Variants in PRRC2C observed in about 807,000 individuals in gnomAD.
PRRC2C encodes the protein proline rich coiled-coil 2C.
Under a neutral mutation model 317.2 loss-of-function variants are expected in PRRC2C, and 72 were observed. The ratio of observed to expected loss-of-function variants is 0.23; its 90% confidence interval spans 0.19 to 0.28. The LOEUF (loss-of-function observed/expected upper bound fraction) is 0.28. PRRC2C is among the 10% of genes least tolerant of loss of function. The pLI, the probability that PRRC2C is intolerant of heterozygous loss-of-function variation, is 1.00. For synonymous variants in PRRC2C, 1,296 were observed against 1,205.9 expected (o/e 1.07, Z -1.55); for missense variants, 3,074 against 3,459.7 (o/e 0.89, Z 2.80).
chr1:171,521,788 C>A (rs1427086476), intron 6 of PRRC2C, among the ~76,000 whole-genome samples: 1 of 152,142 alleles, frequency 6.6e-6, no homozygotes, highest in African/African-American at 2.4e-5. Context: ...GTGTACATAT[C>A]CTGTTGATAC....
At chr1:171,514,731 G>A in intron 4 of PRRC2C, 86 bp downstream of exon 4, 2 of 1,170,562 alleles carry the variant, frequency 1.7e-6, no homozygotes, top group South Asian at 2.8e-5. Flanking sequence ...CTGTGTTTTG[G>A]TAGAGCCATA....
At chr1:171,494,803 A>T (rs1667823855) in intron 1 of PRRC2C, among the ~76,000 whole-genome samples, 1 of 151,468 alleles carries the variant, frequency 6.6e-6, no homozygotes, top group South Asian at 2.1e-4. Context: ...AAAGAAACAG[A>T]TTTCTCTTTG....
At chr1:171,499,471 A>G (rs1668695484) in intron 1 of PRRC2C, among the ~76,000 whole-genome samples, 1 of 152,194 alleles carries the variant, frequency 6.6e-6, no homozygotes, top group East Asian at 1.9e-4. Flanking sequence ...TGAGATGGCC[A>G]AAGGAGAAAG....
Position 171,559,511 on chromosome 1 carries a change from T to TG in PRRC2C, c.6031+1368_6031+1369insG, listed in dbSNP as rs1249290243. On this transcript the variant is annotated intron_variant, in intron 19 of 34. Transcript: ENST00000647382. The stretch of plus-strand genomic sequence containing the variant: ...TTACAAAATGGCATACCAAGTTTGT[T>TG]TTTTTTTTTTTTTTTTTTTTTTTTT... Among the ~76,000 whole-genome samples the TG allele has an allele frequency of 6.0e-3, 37 of 6,204 alleles. 1 individual carries two copies. The highest frequency in any genetic ancestry group is 0.013 in the Non-Finnish European group (32 of 2,446). The allele number at this position is 6,204 out of a possible 152,430, so 4.1% of individuals were successfully genotyped here.
rs1343336905 is a variant in PRRC2C at position 171,542,097 on chromosome 1, G to A, written c.4631G>A (p.Ser1544Asn). The A allele has an allele frequency of 1.9e-6, 3 of 1,613,934 alleles. No homozygotes were observed. In the Admixed American group the frequency reaches 5.0e-5, roughly 27 times the overall value. ...LPPKREIAKR[S>N]FSSQRPVDRQ... ...CCAAAGAGGGAAATTGCAAAGAGAA[G>A]TTTTTCTAGTCAGAGACCAGTAGAT... The change falls in exon 16 of 35, where the codon AGT becomes AAT. Residue 1544 changes from serine (S) to asparagine (N), a missense_variant. Ser to Asn is a conservative substitution (Grantham distance 46). Transcript: ENST00000647382.
At chr1:171,588,175 C>T (rs1353568007) in intron 32 of PRRC2C, among the ~76,000 whole-genome samples, 4 of 152,100 alleles carry the variant, frequency 2.6e-5, no homozygotes, top group South Asian at 4.1e-4. Context: ...GGTCTCGAAC[C>T]AGCCAATCTA....
intron 17 of PRRC2C, among the ~76,000 whole-genome samples, chr1:171,546,696 C>T (rs948217771): frequency 6.6e-6 from 1 of 152,126 alleles, no homozygotes; most frequent in Admixed American, 6.5e-5. Flanking sequence ...GCATCCCAGA[C>T]GTCAAGCGAT....
At chr1:171,525,423 A>G (rs1304866312) in intron 10 of PRRC2C, among the ~76,000 whole-genome samples, 2 of 152,186 alleles carry the variant, frequency 1.3e-5, no homozygotes, top group African/African-American at 4.8e-5. Flanking sequence ...TGTGTGTGCA[A>G]CAGATATTTG....
chr1:171,575,148 T>C lies in PRRC2C; in HGVS notation c.6955+20T>C. 6.3e-7 allele frequency: 1 copy of C among 1,586,498 alleles called. No homozygotes were observed. Among genetic ancestry groups the C allele is most frequent in the South Asian group, 1.1e-5 (1 of 88,890 alleles). ...TATCAGGTAGAACTTTTTCGTTCTG[T>C]TTCTTTAAATATCTTACATTATTTA... On this transcript the variant is annotated intron_variant, in intron 25 of 34. Coordinates refer to ENST00000647382, the MANE Select transcript of PRRC2C (RefSeq NM_001387844.1).
chr1:171,486,658 G>A lies in PRRC2C; in HGVS notation c.-58+923G>A, dbSNP rs146772912. On this transcript the variant is annotated intron_variant, in intron 1 of 34. Transcript: ENST00000647382. ...CCGCATTGGCTGGTTTTCAGCCTGG[G>A]TTCATAGATTCATACCTCGTTAGAG... Among the ~76,000 whole-genome samples the A allele has an allele frequency of 6.4e-3, 968 of 152,244 alleles. 10 individuals are homozygous for A. Among genetic ancestry groups the A allele is most frequent in the African/African-American group, 0.018 (752 of 41,546 alleles).
At chr1:171,589,713 A>G in intron 34 of PRRC2C, 108 bp downstream of exon 34, 2 of 730,820 alleles carry the variant, frequency 2.7e-6, no homozygotes, top group African/African-American at 1.9e-5. Context: ...GTCTTAGCAG[A>G]CTTAACCAAG....
rs1375616814 is a variant in PRRC2C at position 171,517,799 on chromosome 1, T to A, written c.735T>A (p.Ala245=). 3 of 1,612,820 alleles carry A rather than the reference T, an allele frequency of 1.9e-6. No homozygotes were observed. The African/African-American group carries it at 4.0e-5, about 22-fold the overall frequency. ...QQAALASQYR[A]MMPPYMFQQY... is the part of the protein sequence containing the mutation. Reference sequence around the variant, plus strand: ...CTGCTCTCGCTTCCCAGTATAGAGCTATGATGCCTCCTTATGTGAGTATTG... The same window carrying A: ...CTGCTCTCGCTTCCCAGTATAGAGCAATGATGCCTCCTTATGTGAGTATTG... Residue 245 remains alanine (A), a synonymous_variant, in exon 6 of 35, where the codon GCT becomes GCA. Transcript: ENST00000647382.
In PRRC2C at chr1:171,545,595, C is replaced by G. The variant is rs933292669; in HGVS notation, c.4880C>G (p.Thr1627Ser). Residue 1627 changes from threonine to serine, a missense_variant, in exon 17 of 35, where the codon ACT becomes AGT. Around this residue, in one of 11 missense-constraint regions of PRRC2C, gnomAD observed 178 missense variants for 163.0 expected, o/e 1.09. Coordinates refer to ENST00000647382, the MANE Select transcript of PRRC2C (RefSeq NM_001387844.1). ...GGACAAAAGAACTCCAAAGATTCTA[C>G]TGGGAAAAAAAGAGAAGACCCCAAA... ...GTGQKNSKDS[T>S]GKKREDPKPG... 1.1e-5 allele frequency: 18 copies of G among 1,611,384 alleles called. No homozygotes were observed. The highest frequency in any genetic ancestry group is 1.5e-5 in the Non-Finnish European group (18 of 1,178,814).
chr1:171,503,817 T>C (rs758796286), intron 1 of PRRC2C, among the ~76,000 whole-genome samples: 2 of 152,142 alleles, frequency 1.3e-5, no homozygotes, highest in Non-Finnish European at 2.9e-5. Flanking sequence ...GGCCTCACAA[T>C]CATGGCAGAA....
At position 171,566,574 on chromosome 1, in the gene PRRC2C, A is replaced by C. The variant is rs202231101; in HGVS notation, c.6307-18A>C. 1.9e-6 allele frequency: 3 copies of C among 1,544,842 alleles called. No homozygotes were observed. The highest frequency in any genetic ancestry group is 2.6e-6 in the Non-Finnish European group (3 of 1,148,332). On this transcript the variant is annotated intron_variant, in intron 21 of 34. Coordinates refer to ENST00000647382, the MANE Select transcript of PRRC2C (RefSeq NM_001387844.1). ...CATCTATCATAAACATAGTTTTATCATAAACATTTGACTTTAGCTTCCAGA... is the reference window on the plus strand; with the variant it reads ...CATCTATCATAAACATAGTTTTATCCTAAACATTTGACTTTAGCTTCCAGA...
intron 26 of PRRC2C, among the ~76,000 whole-genome samples, chr1:171,578,945 A>G (rs1278038222): frequency 1.3e-5 from 2 of 152,222 alleles, no homozygotes; most frequent in African/African-American, 4.8e-5. Flanking sequence ...AATTTATACC[A>G]AACTTTTAAA....
rs559199754 is a variant in PRRC2C, at chr1:171,513,291, A to T, written c.290+119A>T. The T allele has an allele frequency of 5.1e-5, 57 of 1,111,720 alleles. 2 individuals carry two copies. In the South Asian group the frequency reaches 8.8e-4, roughly 17 times the overall value. The allele number at this position is 1,111,720 out of a possible 1,614,324, so 68.9% of individuals were successfully genotyped here. A position where few individuals can be genotyped will look rare whatever the true frequency, so the allele number is the denominator to read the frequency against. ...CTGTATTACATATTACATATTTTAT[A>T]CTCTTTAAAGTCTTTTGACTATAGT... On this transcript the variant is annotated intron_variant, in intron 3 of 34. Transcript: ENST00000647382.
chr1:171,560,180 G>A (rs1057002189), intron 19 of PRRC2C, among the ~76,000 whole-genome samples: 1 of 152,198 alleles, frequency 6.6e-6, no homozygotes, highest in Non-Finnish European at 1.5e-5. Flanking sequence ...ATTCATGGGA[G>A]GATGTCAGAA....
Position 171,567,009 on chromosome 1 carries a change from G to A in PRRC2C, c.6558+166G>A, listed in dbSNP as rs116202932. 3.9e-3 allele frequency among the ~76,000 whole-genome samples: 588 copies of A among 152,244 alleles called. 3 individuals carry two copies. The highest frequency in any genetic ancestry group is 0.013 in the African/African-American group (536 of 41,544). ...TCATGATTTGCATATGTAATCTAAA[G>A]AAGTTCTTTATAGCAAATTATATTT... On this transcript the variant is annotated intron_variant, in intron 22 of 34. Coordinates refer to ENST00000647382, the MANE Select transcript of PRRC2C (RefSeq NM_001387844.1).
Sources: allele counts gnomAD v4.1 joint callset (sites outside exome capture counted in the v4.1 genomes callset), GRCh38; gene constraint gnomAD v4.1.1; regional missense constraint gnomAD v4.1.1; transcripts MANE v1.5; gene names NCBI Gene and HGNC (gene_info 2026-07-23, HGNC 2026-07-21).